The following MACF1 variants were observed in gnomAD, a reference collection of about 807,000 sequenced individuals.
MACF1 encodes the protein microtubule actin crosslinking factor 1, also known as microtubule-actin cross-linking factor 1.
A neutral mutation model predicts 854.8 loss-of-function variants in MACF1; 193 were observed. The ratio of observed to expected loss-of-function variants is 0.23; its 90% CI spans 0.20 to 0.25. The LOEUF is 0.25. Ranked by LOEUF, MACF1 falls within the 10% of genes least tolerant of loss-of-function variation. The pLI is 1.00. For synonymous variants in MACF1, 3,185 were observed against 3,226.7 expected (o/e 0.99, Z 0.44); for missense variants, 7,722 against 8,929.1 (o/e 0.86, Z 5.45).
intron 2 of MACF1, among the ~76,000 whole-genome samples, chr1:39,176,278 CAA>C (rs11406287): frequency 7.2e-6 from 1 of 139,826 alleles, no homozygotes; most frequent in Non-Finnish European, 1.5e-5. Flanking sequence ...ACTCTGTCTC[CAA>C]AAAAAAAAAA....
chr1:39,094,508 G>C (rs1191855154), intron 2 of MACF1, among the ~76,000 whole-genome samples: 7 of 151,896 alleles, frequency 4.6e-5, no homozygotes, highest in Admixed American at 4.6e-4. Context: ...GATCACCTGA[G>C]GTCAGGAGTT....
At chr1:39,393,195 AAATATATATATATATATATAT>A (rs1179082569) in intron 58 of MACF1, among the ~76,000 whole-genome samples, 1 of 95,620 alleles carries the variant, frequency 1.0e-5, no homozygotes, top group African/African-American at 4.5e-5. Context: ...AAAAAAAAAA[AAATATATATATATATATATAT>A]ATATATATGT....
chr1:39,474,363 T>C (rs1405339430), intron 97 of MACF1, among the ~76,000 whole-genome samples: 2 of 151,930 alleles, frequency 1.3e-5, no homozygotes, highest in African/African-American at 2.4e-5. Flanking sequence ...CACTCCGTCC[T>C]AGGCAATAGA....
intron 55 of MACF1, among the ~76,000 whole-genome samples, chr1:39,381,339 G>A (rs1687188): frequency 0.063 from 9,073 of 144,358 alleles, 504 homozygotes; most frequent in East Asian, 0.23. Flanking sequence ...TTACAGGTGT[G>A]AGCCACCATG....
At chr1:39,446,233 A>C (rs1178870909) in intron 80 of MACF1, among the ~76,000 whole-genome samples, 1 of 152,132 alleles carries the variant, frequency 6.6e-6, no homozygotes, top group African/African-American at 2.4e-5. Flanking sequence ...GTGCTGTAGT[A>C]AGAAAATATA....
intron 97 of MACF1, among the ~76,000 whole-genome samples, 156 bp from the exon 98 acceptor site, chr1:39,479,642 T>G (rs905177783): frequency 6.6e-5 from 10 of 152,204 alleles, no homozygotes; most frequent in African/African-American, 2.4e-4. Context: ...AAGGCTGATG[T>G]GTCATGAATT....
At position 39,310,837 on chromosome 1, in the gene MACF1, A is replaced by G; in HGVS notation, c.3107A>G (p.Lys1036Arg). Residue 1036 changes from lysine (K) to arginine (R), a missense_variant, in exon 26 of 101, where the codon AAA becomes AGA. Around this residue, in one of 15 missense-constraint regions of MACF1, gnomAD observed 1,137 missense variants for 1,263.0 expected, o/e 0.90. Transcript: ENST00000564288. ...HLMKSMENED[K>R]EETVAKMYIS... The stretch of plus-strand genomic sequence containing the variant: ...TGTGTTTGTTCATTCACAGAGGACA[A>G]AGAGGAGACTGTGGCCAAGATGTAC... The G allele has an allele frequency of 6.2e-7, 1 of 1,610,874 alleles. No individual in the cohort carries two copies. The highest frequency in any genetic ancestry group is 1.3e-5 in the African/African-American group (1 of 74,980).
At position 39,283,012 on chromosome 1, in the gene MACF1, C is replaced by T; in HGVS notation, c.696-177C>T. 1.8e-6 allele frequency: 1 copy of T among 562,766 alleles called. No individual in the cohort carries two copies. The highest frequency in any genetic ancestry group is 3.1e-6 in the Non-Finnish European group (1 of 317,684). The allele number at this position is 562,766 out of a possible 1,614,324, so 34.9% of individuals were successfully genotyped here. On this transcript the variant is annotated intron_variant, in intron 7 of 100. Coordinates refer to ENST00000564288, the MANE Select transcript of MACF1 (RefSeq NM_001394062.1). This position sits in a 1 kb window ranked among gnomAD's most constrained non-coding sequence, Gnocchi z 4.5. ...TATGTTTAAGTTTAGCATTAGGGAG[C>T]ACTGGGCCCCTGGTGTATACTTAAA...
chr1:39,476,838 T>A (rs1644893930), intron 97 of MACF1, among the ~76,000 whole-genome samples: 2 of 151,302 alleles, frequency 1.3e-5, no homozygotes, highest in African/African-American at 4.9e-5. Flanking sequence ...ACGCCTGTAA[T>A]CCTAGCACTT....
chr1:39,155,308 C>T (rs1213190867), intron 2 of MACF1, among the ~76,000 whole-genome samples: 2 of 152,142 alleles, frequency 1.3e-5, no homozygotes, highest in African/African-American at 2.4e-5. Context: ...GACAAACTAG[C>T]ATGTGTTGTC....
chr1:39,256,956 A>T (rs893031743), intron 5 of MACF1, among the ~76,000 whole-genome samples: 2 of 151,978 alleles, frequency 1.3e-5, no homozygotes, highest in African/African-American at 4.8e-5. Flanking sequence ...AAAGTGACCC[A>T]CAATACCTTG....
At chr1:39,142,785 T>A (rs150031476) in intron 2 of MACF1, among the ~76,000 whole-genome samples, 209 of 152,274 alleles carry the variant, frequency 1.4e-3, no homozygotes, top group South Asian at 2.3e-3. Context: ...ACCTGCTGAG[T>A]CACCACCTAG....
In MACF1 at chr1:39,335,894, C is replaced by G. The variant is rs368806330; in HGVS notation, c.9306C>G (p.Phe3102Leu). Residue 3102 changes from phenylalanine to leucine, a missense_variant, in exon 37 of 101, where the codon TTC becomes TTG. This residue lies in a region of MACF1 where 854 missense variants were observed against 852.6 expected (regional missense o/e 1.00). Coordinates refer to ENST00000564288, the MANE Select transcript of MACF1 (RefSeq NM_001394062.1). ...CCTGTGGGGCCCAGAGTGAACCATT[C>G]CCTTGTATGACCCCAAGACCTGAAG... ...EIACGAQSEP[F>L]PCMTPRPEGL... The G allele has an allele frequency of 1.2e-6, 2 of 1,614,076 alleles. No individual in the cohort carries two copies. Among genetic ancestry groups the G allele is most frequent in the Non-Finnish European group, 1.7e-6 (2 of 1,180,002 alleles).
Position 39,382,083 on chromosome 1 carries a change from G to C in MACF1, c.13779G>C (p.Leu4593=), listed in dbSNP as rs147972692. Residue 4593 remains leucine (L), a synonymous_variant, in exon 56 of 101, where the codon CTG becomes CTC. Coordinates refer to ENST00000564288, the MANE Select transcript of MACF1 (RefSeq NM_001394062.1). ...GGCCGTGGCTGATGGAGAAAGAACTGATGATGGGAGTGCTGGGGCCCCTGT... is the reference window on the plus strand; with the variant it reads ...GGCCGTGGCTGATGGAGAAAGAACTCATGATGGGAGTGCTGGGGCCCCTGT... ...QLRPWLMEKE[L]MMGVLGPLSI... is the part of the protein sequence containing the mutation. The C allele has an allele frequency of 4.3e-4, 697 of 1,614,056 alleles. 4 individuals are homozygous for C. Among genetic ancestry groups the C allele is most frequent in the Admixed American group, 6.5e-4 (39 of 60,000 alleles).
chr1:39,422,990 G>A (rs1199109706), intron 60 of MACF1, 90 bp downstream of exon 60: 1 of 1,188,428 alleles, frequency 8.4e-7, no homozygotes, highest in East Asian at 2.5e-5. Context: ...CAGTTCAGGA[G>A]TTTTAGTAGA....
intron 16 of MACF1, 74 bp from the exon 17 acceptor site, chr1:39,292,692 C>A: frequency 9.6e-7 from 1 of 1,036,722 alleles, no homozygotes; most frequent in South Asian, 1.5e-5. Flanking sequence ...ATAATATTTG[C>A]ATAGTTGCAA....
intron 17 of MACF1, among the ~76,000 whole-genome samples, chr1:39,293,135 G>C (rs1645830406): frequency 6.6e-6 from 1 of 152,194 alleles, no homozygotes; most frequent in Non-Finnish European, 1.5e-5. Context: ...CTAAAAGTTT[G>C]AGATTTGTAG....
chr1:39,208,354 T>G (rs1644477141), intron 1 of MACF1, among the ~76,000 whole-genome samples: 1 of 152,074 alleles, frequency 6.6e-6, no homozygotes. Flanking sequence ...CGAGTTCCTA[T>G]TCTGTGCTGC....
At chr1:39,145,514 C>T (rs1233005966) in intron 2 of MACF1, among the ~76,000 whole-genome samples, 1 of 142,322 alleles carries the variant, frequency 7.0e-6, no homozygotes, top group South Asian at 2.1e-4. Flanking sequence ...GACTAACTCT[C>T]TGTGCTTTTT....
Sources: allele counts gnomAD v4.1 joint callset (sites outside exome capture counted in the v4.1 genomes callset), GRCh38; gene constraint gnomAD v4.1.1; regional missense constraint gnomAD v4.1.1; non-coding constraint Gnocchi (gnomAD v3.1); transcripts MANE v1.5; gene names NCBI Gene and HGNC (gene_info 2026-07-23, HGNC 2026-07-21).